FLRT2: variants seen among roughly 807,000 people sequenced by gnomAD.
The protein encoded by FLRT2 is leucine-rich repeat transmembrane protein FLRT2.
In FLRT2, 15 loss-of-function variants were observed where a neutral mutation model predicts 40.0. The ratio of observed to expected loss-of-function variants is 0.38; its 90% CI spans 0.25 to 0.58. The LOEUF (loss-of-function observed/expected upper bound fraction) is 0.58, where lower values mean the gene tolerates loss of function less well. Ranked by LOEUF, FLRT2 falls within the 20% of genes least tolerant of loss-of-function variation. FLRT2 has a pLI of 0.71. For missense variants in FLRT2, 726 were observed against 840.0 expected (o/e 0.86, Z 1.68); for synonymous variants, 380 against 336.8 (o/e 1.13, Z -1.41).
At position 85,623,407 on chromosome 14, in the gene FLRT2, T is replaced by TG; in HGVS notation, c.1898dup (p.Ile634HisfsTer2). The TG allele has an allele frequency of 6.6e-7, 1 of 1,506,654 alleles. No homozygotes were observed. Among genetic ancestry groups the TG allele is most frequent in the Non-Finnish European group, 8.8e-7 (1 of 1,130,420 alleles). The allele number at this position is 1,506,654 out of a possible 1,614,324, so 93.3% of individuals were successfully genotyped here. On this transcript the variant is annotated frameshift_variant, in exon 2 of 2. Coordinates refer to ENST00000330753, the MANE Select transcript of FLRT2 (RefSeq NM_013231.6). LOFTEE classifies it high-confidence loss of function. ...GACTGCAGCCCATTTACACCCCAAA[T>TG]GGGGGCATTAATTACACAGACTGCC...
intron 1 of FLRT2, among the ~76,000 whole-genome samples, chr14:85,553,900 A>T (rs76697907): frequency 0.04 from 6,061 of 152,252 alleles, 399 homozygotes; most frequent in African/African-American, 0.14. Context: ...TAAGATGGAC[A>T]CAGTTGTCCA....
intron 1 of FLRT2, among the ~76,000 whole-genome samples, chr14:85,544,918 A>ACTTTTC (rs1889193691): frequency 6.6e-6 from 1 of 152,180 alleles, no homozygotes; most frequent in Admixed American, 6.5e-5. Context: ...AGTGGCTGAA[A>ACTTTTC]AGAGTAGAAG....
intron 1 of FLRT2, among the ~76,000 whole-genome samples, chr14:85,610,033 T>C (rs6574835): frequency 0.011 from 1,729 of 152,266 alleles, 27 homozygotes; most frequent in African/African-American, 0.04. Context: ...AGGGACATTA[T>C]GCTAAGCAGG....
rs1396300996 is a variant in FLRT2 at position 85,645,138 on chromosome 14, T to C, written c.*21641T>C. ...TGGGCAGCAGAACTCCTACATCAAGTAAAAAGTATATATATACACACATAT... is the reference window on the plus strand; with the variant it reads ...TGGGCAGCAGAACTCCTACATCAAGCAAAAAGTATATATATACACACATAT... On this transcript the variant is annotated 3_prime_UTR_variant, in exon 2 of 2. Transcript: ENST00000330753. The C allele has an allele frequency of 7.1e-6, 1 of 141,750 alleles. No individual in the cohort carries two copies. Among genetic ancestry groups the C allele is most frequent in the Non-Finnish European group, 1.6e-5 (1 of 63,736 alleles). The allele number at this position is 141,750 out of a possible 1,614,324, so 8.8% of individuals were successfully genotyped here. A position where few individuals can be genotyped will look rare whatever the true frequency, so the allele number is the denominator to read the frequency against.
At chr14:85,616,119 G>A (rs1339433653) in intron 1 of FLRT2, among the ~76,000 whole-genome samples, 4 of 151,962 alleles carry the variant, frequency 2.6e-5, no homozygotes, top group Admixed American at 6.6e-5. Context: ...TGGCAAGGAC[G>A]GGTTCTTGCT....
chr14:85,532,097 A>C (rs531597570), intron 1 of FLRT2, among the ~76,000 whole-genome samples: 1 of 152,378 alleles, frequency 6.6e-6, no homozygotes, highest in African/African-American at 2.4e-5. Context: ...ACTGAGGACG[A>C]GTAGTGCGGT....
Position 85,653,508 on chromosome 14 carries a change from C to T in FLRT2, c.*30011C>T, listed in dbSNP as rs1275276315. The T allele has an allele frequency of 6.6e-6, 1 of 152,132 alleles. No homozygotes were observed. The highest frequency in any genetic ancestry group is 2.4e-5 in the African/African-American group (1 of 41,426). The allele number at this position is 152,132 out of a possible 1,614,324, so 9.4% of individuals were successfully genotyped here. ...CCTTTGGAGATTTAAGGAAAACTGA[C>T]AAAGCTAAAAATACCTCTGCTAGGG... On this transcript the variant is annotated 3_prime_UTR_variant, in exon 2 of 2. Transcript: ENST00000330753.
In FLRT2 at chr14:85,623,220, A is replaced by G; in HGVS notation, c.1706A>G (p.Lys569Arg). ...LSVFCWHMHK[K>R]GRYTSQKWKY... Reference sequence around the variant, plus strand: ...GTCTTTTGCTGGCATATGCACAAAAAGGGGCGCTACACCTCCCAGAAGTGG... The same window carrying G: ...GTCTTTTGCTGGCATATGCACAAAAGGGGGCGCTACACCTCCCAGAAGTGG... Residue 569 changes from lysine (K) to arginine (R), a missense_variant, in exon 2 of 2, where the codon AAG (lysine) becomes AGG (arginine). By Grantham distance (26) the Lys-to-Arg change is conservative. Coordinates refer to ENST00000330753, the MANE Select transcript of FLRT2 (RefSeq NM_013231.6). The G allele has an allele frequency of 6.5e-7, 1 of 1,533,502 alleles. No individual in the cohort carries two copies. Among genetic ancestry groups the G allele is most frequent in the South Asian group, 1.3e-5 (1 of 76,926 alleles). The allele number at this position is 1,533,502 out of a possible 1,614,324, so 95.0% of individuals were successfully genotyped here. A position where few individuals can be genotyped will look rare whatever the true frequency, so the allele number is the denominator to read the frequency against.
At chr14:85,546,498 C>G (rs1482987151) in intron 1 of FLRT2, among the ~76,000 whole-genome samples, 1 of 152,108 alleles carries the variant, frequency 6.6e-6, no homozygotes, top group Non-Finnish European at 1.5e-5. Flanking sequence ...GTGAATGGCT[C>G]CACAGGCAGC....
At position 85,629,458 on chromosome 14, in the gene FLRT2, G is replaced by T. The variant is rs1005995884; in HGVS notation, c.*5961G>T. ...TCAATCTAAAGGAATAATGGCACCT[G>T]ATAATTACTAACAACCTTTGTTTAT... On this transcript the variant is annotated 3_prime_UTR_variant, in exon 2 of 2. Transcript: ENST00000330753. 2.6e-5 allele frequency: 4 copies of T among 152,208 alleles called. No individual in the cohort carries two copies. Among genetic ancestry groups the T allele is most frequent in the African/African-American group, 9.6e-5 (4 of 41,460 alleles). The allele number at this position is 152,208 out of a possible 1,614,324, so 9.4% of individuals were successfully genotyped here. A position where few individuals can be genotyped will look rare whatever the true frequency, so the allele number is the denominator to read the frequency against.
intron 1 of FLRT2, among the ~76,000 whole-genome samples, chr14:85,546,826 T>C (rs1889306730): frequency 6.6e-6 from 1 of 152,218 alleles, no homozygotes; most frequent in Admixed American, 6.5e-5. Context: ...TCAGTGTCAC[T>C]GTGTTTTAGA....
chr14:85,593,120 A>G (rs1357386223), intron 1 of FLRT2, among the ~76,000 whole-genome samples: 1 of 152,222 alleles, frequency 6.6e-6, no homozygotes, highest in Non-Finnish European at 1.5e-5. Context: ...AATTGCCACC[A>G]GGTTATACTG....
intron 1 of FLRT2, among the ~76,000 whole-genome samples, chr14:85,608,480 C>A (rs755787197): frequency 6.6e-6 from 1 of 152,042 alleles, no homozygotes; most frequent in Non-Finnish European, 1.5e-5. Context: ...GTGATCCACC[C>A]GCCTCGGCTT....
At chr14:85,564,614 A>G (rs1191105779) in intron 1 of FLRT2, among the ~76,000 whole-genome samples, 15 of 152,216 alleles carry the variant, frequency 9.9e-5, no homozygotes, top group Admixed American at 9.8e-4. Flanking sequence ...AGATAACATC[A>G]AAAGGCAGTA....
intron 1 of FLRT2, among the ~76,000 whole-genome samples, chr14:85,541,152 T>C (rs539658814): frequency 6.6e-6 from 1 of 152,150 alleles, no homozygotes; most frequent in Non-Finnish European, 1.5e-5. Context: ...AAACTGTAAA[T>C]GAAGAAAAGT....
At position 85,651,173 on chromosome 14, in the gene FLRT2, T is replaced by C. The variant is rs184286599; in HGVS notation, c.*27676T>C. ...ATTGTTTAGGATAATGTCTCAAAAC[T>C]TTTTTGGTATATAGATATCTTTAAT... On this transcript the variant is annotated 3_prime_UTR_variant, in exon 2 of 2. Coordinates refer to ENST00000330753, the MANE Select transcript of FLRT2 (RefSeq NM_013231.6). 3 of 152,132 alleles carry C rather than the reference T, an allele frequency of 2.0e-5. No homozygotes were observed. The East Asian group carries it at 5.8e-4, about 29-fold the overall frequency. 9.4% of individuals were successfully genotyped at this position (152,132 alleles called of 1,614,324 possible).
intron 1 of FLRT2, among the ~76,000 whole-genome samples, chr14:85,537,410 T>C (rs1888721816): frequency 6.6e-6 from 1 of 152,110 alleles, no homozygotes; most frequent in Non-Finnish European, 1.5e-5. Flanking sequence ...AGACTAGCTA[T>C]TATTATTATT....
intron 1 of FLRT2, among the ~76,000 whole-genome samples, chr14:85,575,043 C>T (rs1362030655): frequency 6.6e-6 from 1 of 152,318 alleles, no homozygotes; most frequent in African/African-American, 2.4e-5. Flanking sequence ...ACAGTTATTA[C>T]AAACTGACTC....
In FLRT2 at chr14:85,626,482, CA is replaced by C. The variant is rs1313679509; in HGVS notation, c.*2986del. 12 of 167,030 alleles carry C rather than the reference CA, an allele frequency of 7.2e-5. No individual in the cohort carries two copies. The highest frequency in any genetic ancestry group is 2.7e-4 in the African/African-American group (11 of 41,432). The allele number at this position is 167,030 out of a possible 1,614,324, so 10.3% of individuals were successfully genotyped here. A position where few individuals can be genotyped will look rare whatever the true frequency, so the allele number is the denominator to read the frequency against. On this transcript the variant is annotated 3_prime_UTR_variant, in exon 2 of 2. Transcript: ENST00000330753. ...ATCCCATTCAGAGCTTGGTAAATGTCACTGTACAGAAGACATTGAAAAGGAA... is the reference window on the plus strand; with the variant it reads ...ATCCCATTCAGAGCTTGGTAAATGTCCTGTACAGAAGACATTGAAAAGGAA...
Sources: allele counts gnomAD v4.1 joint callset (sites outside exome capture counted in the v4.1 genomes callset), GRCh38; gene constraint gnomAD v4.1.1; transcripts MANE v1.5; gene names NCBI Gene and HGNC (gene_info 2026-07-23, HGNC 2026-07-21).